The following CNTN5 variants were observed in gnomAD, a reference collection of about 807,000 sequenced individuals.
CNTN5 encodes the protein contactin 5, also known as contactin-5.
Under a neutral mutation model 129.1 loss-of-function variants are expected in CNTN5, and 77 were observed. The observed-to-expected ratio is 0.60, with a 90% CI of 0.50 to 0.72. The LOEUF (loss-of-function observed/expected upper bound fraction) is 0.72, where lower values mean the gene tolerates loss of function less well. Among genes scored for constraint, CNTN5 ranks in the 30% least tolerant of loss-of-function variants. The probability of loss-of-function intolerance (pLI) is 0.00; values close to 1 mark genes in which losing one functional copy is unlikely to be tolerated. For synonymous variants in CNTN5, 509 were observed against 465.6 expected (o/e 1.09, Z -1.20); for missense variants, 1,478 against 1,328.8 (o/e 1.11, Z -1.75).
At chr11:99,600,525 C>T (rs879787387) in intron 3 of CNTN5, among the ~76,000 whole-genome samples, 3 of 152,216 alleles carry the variant, frequency 2.0e-5, no homozygotes, top group South Asian at 2.1e-4. Context: ...GCTAAGAATA[C>T]GGTCACCCTC....
At chr11:99,480,945 T>C (rs1004191673) in intron 2 of CNTN5, among the ~76,000 whole-genome samples, 15 of 152,158 alleles carry the variant, frequency 9.9e-5, no homozygotes, top group African/African-American at 3.6e-4. Context: ...ATTGTGTATC[T>C]AAGATAACCA....
intron 1 of CNTN5, among the ~76,000 whole-genome samples, chr11:99,157,727 A>C (rs1371054729): frequency 6.6e-6 from 1 of 152,168 alleles, no homozygotes; most frequent in Non-Finnish European, 1.5e-5. Context: ...GATTAGCTTG[A>C]GAAATATTTC....
intron 1 of CNTN5, among the ~76,000 whole-genome samples, chr11:99,060,123 G>A (rs1200600362): frequency 6.6e-6 from 1 of 152,010 alleles, no homozygotes; most frequent in African/African-American, 2.4e-5. Flanking sequence ...GAGGAGATCA[G>A]TTTACATATT....
Position 99,054,170 on chromosome 11 carries a change from A to G in CNTN5, c.-210+32900A>G, listed in dbSNP as rs57921201. 2.8e-3 allele frequency among the ~76,000 whole-genome samples: 425 copies of G among 152,042 alleles called. 8 individuals carry two copies. Among genetic ancestry groups the G allele is most frequent in the African/African-American group, 9.8e-3 (408 of 41,512 alleles). On this transcript the variant is annotated intron_variant, in intron 1 of 24. Coordinates refer to ENST00000524871, the MANE Select transcript of CNTN5 (RefSeq NM_014361.4). ...AAACCCTTGAGAGTCTGGAATCACA[A>G]CTTATTGCTTGTGCAACTTGTCTTT...
At chr11:99,358,398 T>G (rs1233578768) in intron 2 of CNTN5, among the ~76,000 whole-genome samples, 3 of 147,488 alleles carry the variant, frequency 2.0e-5, no homozygotes, top group African/African-American at 5.0e-5. Flanking sequence ...AAACCCTGTC[T>G]CTACTACAAA....
chr11:99,228,172 T>C (rs151212907), intron 1 of CNTN5, among the ~76,000 whole-genome samples: 49 of 152,248 alleles, frequency 3.2e-4, no homozygotes, highest in Non-Finnish European at 4.1e-4. Context: ...TTTACCTGTA[T>C]GAATATGTGA....
At chr11:99,635,782 GTT>G (rs1179877049) in intron 3 of CNTN5, among the ~76,000 whole-genome samples, 1 of 151,986 alleles carries the variant, frequency 6.6e-6, no homozygotes, top group Non-Finnish European at 1.5e-5. Flanking sequence ...GTTCATGTCA[GTT>G]TTGTTACTAT....
intron 1 of CNTN5, among the ~76,000 whole-genome samples, chr11:99,102,790 A>G (rs939680379): frequency 2.0e-5 from 3 of 151,796 alleles, no homozygotes; most frequent in African/African-American, 7.3e-5. Flanking sequence ...AACTGTTCCA[A>G]CCTCTGCCTG....
chr11:100,313,613 C>G (rs1050416194), intron 21 of CNTN5, among the ~76,000 whole-genome samples: 4 of 151,894 alleles, frequency 2.6e-5, no homozygotes, highest in African/African-American at 9.7e-5. Flanking sequence ...ATTGAGAGAA[C>G]AGGGCTGAAA....
At chr11:99,308,354 TG>T (rs986957494) in intron 1 of CNTN5, among the ~76,000 whole-genome samples, 1 of 152,184 alleles carries the variant, frequency 6.6e-6, no homozygotes, top group African/African-American at 2.4e-5. Flanking sequence ...ATAGTACAAG[TG>T]CCTTCAAAAG....
At chr11:99,351,123 A>C (rs889683813) in intron 2 of CNTN5, among the ~76,000 whole-genome samples, 3 of 152,144 alleles carry the variant, frequency 2.0e-5, no homozygotes, top group African/African-American at 7.2e-5. Context: ...CCTAGGTAAC[A>C]AAACTGCATG....
At chr11:99,966,835 T>C (rs557978535) in intron 8 of CNTN5, among the ~76,000 whole-genome samples, 1 of 152,222 alleles carries the variant, frequency 6.6e-6, no homozygotes, top group Non-Finnish European at 1.5e-5. Context: ...TGTTATTTAT[T>C]CAGTTTATAT....
chr11:99,748,317 C>G (rs1304135892), intron 3 of CNTN5, among the ~76,000 whole-genome samples: 1 of 151,920 alleles, frequency 6.6e-6, no homozygotes, highest in African/African-American at 2.4e-5. Context: ...GGGTTGAATT[C>G]AACTCGAAGC....
chr11:99,410,111 CA>C (rs957084128), intron 2 of CNTN5, among the ~76,000 whole-genome samples: 3 of 151,682 alleles, frequency 2.0e-5, no homozygotes, highest in African/African-American at 4.8e-5. Flanking sequence ...AGATGATTAT[CA>C]AAAAAAGAAT....
chr11:100,278,111 G>A (rs537802003), intron 18 of CNTN5, among the ~76,000 whole-genome samples: 8 of 152,024 alleles, frequency 5.3e-5, no homozygotes, highest in Admixed American at 2.6e-4. Context: ...TTGGAAATAA[G>A]TTCATTGCAG....
At chr11:100,167,307 C>T (rs535526677) in intron 13 of CNTN5, among the ~76,000 whole-genome samples, 1 of 151,938 alleles carries the variant, frequency 6.6e-6, no homozygotes, top group Admixed American at 6.6e-5. Flanking sequence ...TGCTTAAAAA[C>T]ATTATTTAAG....
chr11:99,522,986 A>G (rs1018514723), intron 2 of CNTN5, among the ~76,000 whole-genome samples: 1 of 152,188 alleles, frequency 6.6e-6, no homozygotes. Flanking sequence ...AAAGTCCAAG[A>G]TACTTACTTA....
intron 13 of CNTN5, among the ~76,000 whole-genome samples, chr11:100,177,463 A>T (rs1035550619): frequency 6.6e-6 from 1 of 152,146 alleles, no homozygotes; most frequent in Non-Finnish European, 1.5e-5. Context: ...AGCCATCTAC[A>T]GTACCTGGAA....
rs548435410 is a variant in CNTN5, at chr11:100,064,514, C to T, written c.1162+3121C>T. 2.0e-5 allele frequency among the ~76,000 whole-genome samples: 3 copies of T among 152,060 alleles called. No individual in the cohort carries two copies. In the South Asian group the frequency reaches 6.2e-4, roughly 32 times the overall value. On this transcript the variant is annotated intron_variant, in intron 10 of 24. Transcript: ENST00000524871. ...ACATAAATAGGTCTTAAAAGTAATA[C>T]TCATAAAAAAGAAATAAAACTTGGA... is the stretch of plus-strand genomic sequence containing the variant.
Sources: allele counts gnomAD v4.1 joint callset (sites outside exome capture counted in the v4.1 genomes callset), GRCh38; gene constraint gnomAD v4.1.1; transcripts MANE v1.5; gene names NCBI Gene and HGNC (gene_info 2026-07-23, HGNC 2026-07-21).